WWOX: variants seen among roughly 807,000 people sequenced by gnomAD.
The protein encoded by WWOX is WW domain-containing oxidoreductase.
In WWOX, 69 loss-of-function variants were observed where a neutral mutation model predicts 46.2. That is an observed-to-expected ratio of 1.49 (90% CI 1.23 to 1.82). The LOEUF (loss-of-function observed/expected upper bound fraction) is 1.82, where lower values mean the gene tolerates loss of function less well. Ranked by LOEUF, WWOX falls within the 40% of genes most tolerant of loss-of-function variation. The probability of loss-of-function intolerance (pLI) is 0.00; values close to 1 mark genes in which losing one functional copy is unlikely to be tolerated. For missense variants in WWOX, 919 were observed against 542.6 expected, an observed-to-expected ratio of 1.69 and a Z score of -6.89; for synonymous variants, 359 against 202.6, an observed-to-expected ratio of 1.77 and a Z score of -6.56.
chr16:78,930,448 ATTTTTTTT>A (rs71140847), intron 8 of WWOX, among the ~76,000 whole-genome samples: 2 of 106,576 alleles, frequency 1.9e-5, no homozygotes, highest in African/African-American at 7.4e-5. Context: ...CAGCTAGCTA[ATTTTTTTT>A]TTTTTTTTTT....
chr16:78,913,363 T>C (rs557514233), intron 8 of WWOX, among the ~76,000 whole-genome samples: 4 of 152,144 alleles, frequency 2.6e-5, no homozygotes, highest in African/African-American at 7.2e-5. Flanking sequence ...TGCCTGAGTC[T>C]TGGCCAATGG....
intron 8 of WWOX, chr16:78,996,123 G>C: frequency 1.2e-6 from 1 of 865,286 alleles, no homozygotes; most frequent in Middle Eastern, 5.9e-4. Context: ...ATGAAAGTCA[G>C]CTCAGGCGTA....
At chr16:78,576,863 C>T (rs891762476) in intron 8 of WWOX, among the ~76,000 whole-genome samples, 1 of 152,180 alleles carries the variant, frequency 6.6e-6, no homozygotes. Flanking sequence ...TATCTTAATC[C>T]TTTCTCAAGA....
At chr16:78,777,786 C>T (rs6564587) in intron 8 of WWOX, among the ~76,000 whole-genome samples, 99,749 of 151,882 alleles carry the variant, frequency 0.66, 33,036 homozygotes, top group East Asian at 0.74. Flanking sequence ...GTGGCTCACG[C>T]CTGTAATCCC....
chr16:78,877,936 A>T (rs2656629), intron 8 of WWOX, among the ~76,000 whole-genome samples: 40,028 of 152,060 alleles, frequency 0.26, 5,449 homozygotes, highest in Middle Eastern at 0.4. Flanking sequence ...GGGATTGGAA[A>T]CCAGGTCTGT....
At position 78,927,671 on chromosome 16, in the gene WWOX, A is replaced by G. The variant is rs146051760; in HGVS notation, c.1057-283937A>G. Among the ~76,000 whole-genome samples the G allele has an allele frequency of 2.0e-4, 31 of 152,290 alleles. No individual in the cohort carries two copies. In the East Asian group the frequency reaches 5.6e-3, roughly 28 times the overall value. ...AGAGAAGGAAGGTAATTAAGGCATA[A>G]TTATCAGACTTAATCAAGCACTTAT... On this transcript the variant is annotated intron_variant, in intron 8 of 8. Transcript: ENST00000566780.
At chr16:78,838,929 G>A (rs951416218) in intron 8 of WWOX, among the ~76,000 whole-genome samples, 3 of 152,112 alleles carry the variant, frequency 2.0e-5, no homozygotes, top group Non-Finnish European at 2.9e-5. Flanking sequence ...GTGGGAACCA[G>A]AGTGGATTTA....
chr16:78,319,309 C>T (rs1055819815), intron 5 of WWOX, among the ~76,000 whole-genome samples: 1 of 152,110 alleles, frequency 6.6e-6, no homozygotes, highest in Non-Finnish European at 1.5e-5. Flanking sequence ...ATTTTTGAGA[C>T]AGGGTTTTGC....
At chr16:78,583,514 T>A (rs368244006) in intron 8 of WWOX, among the ~76,000 whole-genome samples, 6 of 152,310 alleles carry the variant, frequency 3.9e-5, no homozygotes, top group East Asian at 1.9e-4. Context: ...TAAAATGTAA[T>A]GTGGGATTGT....
intron 5 of WWOX, among the ~76,000 whole-genome samples, chr16:78,207,310 A>G (rs2151783281): frequency 6.6e-6 from 1 of 152,274 alleles, no homozygotes; most frequent in East Asian, 1.9e-4. Context: ...CTTCTACATA[A>G]ATTATTACAT....
At chr16:78,182,071 C>G (rs766466888) in intron 5 of WWOX, among the ~76,000 whole-genome samples, 1 of 152,300 alleles carries the variant, frequency 6.6e-6, no homozygotes. Flanking sequence ...AGCAACGCAT[C>G]TGGAATTTAG....
At chr16:78,542,573 G>T (rs990749370) in intron 8 of WWOX, among the ~76,000 whole-genome samples, 1 of 152,118 alleles carries the variant, frequency 6.6e-6, no homozygotes, top group Non-Finnish European at 1.5e-5. Flanking sequence ...GACCGTGTTC[G>T]CTGGAATTGA....
At chr16:78,605,693 T>C (rs948339475) in intron 8 of WWOX, among the ~76,000 whole-genome samples, 3 of 152,204 alleles carry the variant, frequency 2.0e-5, no homozygotes, top group Non-Finnish European at 2.9e-5. Context: ...GGCATAGTTC[T>C]TTGTCATATT....
intron 8 of WWOX, among the ~76,000 whole-genome samples, chr16:78,924,622 A>C (rs1403281113): frequency 2.6e-5 from 4 of 152,144 alleles, no homozygotes; most frequent in Admixed American, 2.6e-4. Flanking sequence ...AGTCCTTTTG[A>C]CTGTTTAGAA....
intron 8 of WWOX, among the ~76,000 whole-genome samples, chr16:79,139,128 G>C (rs932695598): frequency 6.6e-6 from 1 of 152,196 alleles, no homozygotes; most frequent in Non-Finnish European, 1.5e-5. Context: ...TCTCAGGAAA[G>C]TAATAATAGT....
chr16:78,432,436 T>C, intron 7 of WWOX, 52 bp from the exon 8 acceptor site: 1 of 1,605,308 alleles, frequency 6.2e-7, no homozygotes, highest in Non-Finnish European at 8.5e-7. Context: ...AATAAAAAGC[T>C]GTGTGGGAAG....
chr16:78,440,920 C>T (rs1349527388), intron 8 of WWOX, among the ~76,000 whole-genome samples: 1 of 152,166 alleles, frequency 6.6e-6, no homozygotes, highest in South Asian at 2.1e-4. Flanking sequence ...TGTGCCTGGC[C>T]TGTAGTTTCT....
intron 8 of WWOX, among the ~76,000 whole-genome samples, chr16:79,021,375 G>A (rs2047529561): frequency 6.6e-6 from 1 of 152,094 alleles, no homozygotes; most frequent in East Asian, 1.9e-4. Context: ...TTGTGTCACG[G>A]ACCCCTTGGG....
At chr16:78,440,755 A>T (rs529177495) in intron 8 of WWOX, among the ~76,000 whole-genome samples, 71 of 151,908 alleles carry the variant, frequency 4.7e-4, no homozygotes, top group African/African-American at 1.7e-3. Flanking sequence ...AGTAGCTGGG[A>T]TTACAAGCAC....
Sources: allele counts gnomAD v4.1 joint callset (sites outside exome capture counted in the v4.1 genomes callset), GRCh38; gene constraint gnomAD v4.1.1; transcripts MANE v1.5; gene names NCBI Gene and HGNC (gene_info 2026-07-23, HGNC 2026-07-21).